Variants in NCOA7 observed in about 807,000 individuals in gnomAD.
NCOA7 encodes the protein 140 kDa estrogen receptor-associated protein.
Under a neutral mutation model 104.3 loss-of-function variants are expected in NCOA7, and 45 were observed. The ratio of observed to expected loss-of-function variants is 0.43; its 90% confidence interval spans 0.34 to 0.55. The LOEUF is 0.55. Among genes scored for constraint, NCOA7 ranks in the 20% least tolerant of loss-of-function variants. The probability of loss-of-function intolerance (pLI) is 0.02; values close to 1 mark genes in which losing one functional copy is unlikely to be tolerated. For missense variants in NCOA7, 1,041 were observed against 1,119.7 expected (o/e 0.93, Z 1.00); for synonymous variants, 398 against 402.3 (o/e 0.99, Z 0.13).
At chr6:125,794,034 A>G (rs1027607392) in intron 1 of NCOA7, among the ~76,000 whole-genome samples, 1 of 152,228 alleles carries the variant, frequency 6.6e-6, no homozygotes, top group Non-Finnish European at 1.5e-5. Context: ...CTGTTAGACC[A>G]GAAGTCTAGC....
At chr6:125,796,278 A>T (rs78775544) in intron 1 of NCOA7, among the ~76,000 whole-genome samples, 3 of 151,072 alleles carry the variant, frequency 2.0e-5, no homozygotes, top group Admixed American at 1.3e-4. Context: ...TAAGATTGAT[A>T]AAAAAAAATT....
intron 2 of NCOA7, among the ~76,000 whole-genome samples, chr6:125,854,769 G>A (rs1781409683): frequency 6.6e-6 from 1 of 152,066 alleles, no homozygotes; most frequent in African/African-American, 2.4e-5. Context: ...CAGGCCTATG[G>A]CAGTTCTCAA....
intron 8 of NCOA7, 33 bp downstream of exon 8, chr6:125,885,376 G>A (rs777691978): frequency 1.0e-5 from 16 of 1,605,840 alleles, no homozygotes; most frequent in African/African-American, 2.7e-5. Context: ...AGGAAAAAAG[G>A]GGTGTTGAGA....
chr6:125,805,069 T>A (rs997497846), intron 1 of NCOA7, among the ~76,000 whole-genome samples: 4 of 146,856 alleles, frequency 2.7e-5, no homozygotes, highest in Admixed American at 2.1e-4. Flanking sequence ...GCCATAAAGC[T>A]GGGTTCACCC....
At chr6:125,915,512 G>T (rs925739304) in intron 11 of NCOA7, 32 bp downstream of exon 11, 2 of 1,612,354 alleles carry the variant, frequency 1.2e-6, no homozygotes, top group African/African-American at 2.7e-5. Context: ...GACCGTCGTA[G>T]TTCCTAAGGT....
chr6:125,850,733 A>T (rs1332124585), intron 2 of NCOA7, among the ~76,000 whole-genome samples: 1 of 152,218 alleles, frequency 6.6e-6, no homozygotes, highest in Non-Finnish European at 1.5e-5. Flanking sequence ...AGAAGGAATC[A>T]CCTTCGGAAG....
intron 2 of NCOA7, among the ~76,000 whole-genome samples, chr6:125,850,403 C>CT (rs909471839): frequency 5.9e-5 from 9 of 152,028 alleles, no homozygotes; most frequent in African/African-American, 2.2e-4. Flanking sequence ...TATTTTCTAG[C>CT]TTTTTTTCTG....
chr6:125,927,260 A>T (rs2128703246), intron 13 of NCOA7, among the ~76,000 whole-genome samples: 1 of 152,358 alleles, frequency 6.6e-6, no homozygotes, highest in South Asian at 2.1e-4. Flanking sequence ...AAGAGATGTG[A>T]CTGTGTTGTC....
chr6:125,914,111 T>C (rs75517591), intron 10 of NCOA7, among the ~76,000 whole-genome samples: 1,610 of 152,308 alleles, frequency 0.011, 31 homozygotes, highest in African/African-American at 0.036. Context: ...GGAACTAATC[T>C]TGAGGAAATA....
intron 6 of NCOA7, among the ~76,000 whole-genome samples, chr6:125,882,091 T>G (rs984210046): frequency 1.3e-5 from 2 of 152,178 alleles, no homozygotes; most frequent in African/African-American, 4.8e-5. Context: ...TGACCTCAGG[T>G]GATCTGCCCA....
rs562502712 is a variant in NCOA7, at chr6:125,927,713, T to C, written c.2574T>C (p.Tyr858=). The part of the protein sequence containing the change: ...THPFKFSDHY[Y]GTGETFLYTF... ...CTTTCAAGTTCAGTGACCACTATTATGGCACAGGCGAAACTTTTCTCTACA... is the reference window on the plus strand; with the variant it reads ...CTTTCAAGTTCAGTGACCACTATTACGGCACAGGCGAAACTTTTCTCTACA... Residue 858 remains tyrosine (Y), a synonymous_variant, in exon 14 of 16, where the codon TAT becomes TAC. Transcript: ENST00000392477. 1.9e-6 allele frequency: 3 copies of C among 1,614,186 alleles called. No homozygotes were observed. The highest frequency in any genetic ancestry group is 1.6e-4 in the Middle Eastern group (1 of 6,062).
chr6:125,891,143 G>T (rs569736907), intron 10 of NCOA7, among the ~76,000 whole-genome samples: 2 of 152,178 alleles, frequency 1.3e-5, no homozygotes, highest in Non-Finnish European at 2.9e-5. Flanking sequence ...CTATGGAGCA[G>T]ATCCAAACAC....
chr6:125,830,514 C>A (rs1467794899), intron 2 of NCOA7, among the ~76,000 whole-genome samples: 3 of 152,092 alleles, frequency 2.0e-5, no homozygotes, highest in Non-Finnish European at 4.4e-5. Flanking sequence ...CATAGTGAGA[C>A]CTTGTGTCTA....
Position 125,888,950 on chromosome 6 carries a change from A to T in NCOA7, c.896A>T (p.Gln299Leu). 1.2e-6 allele frequency: 2 copies of T among 1,600,266 alleles called. No individual in the cohort carries two copies. The highest frequency in any genetic ancestry group is 1.1e-5 in the South Asian group (1 of 89,470). Reference protein sequence around the residue: ...IKDALPSDLPQDLCPLYRPGE... With the variant: ...IKDALPSDLPLDLCPLYRPGE... ...TTCTCCCCCAACAGTGACCTACCTC[A>T]GGATCTTTGTCCTCTGTACAGGCCT... The change falls in exon 9 of 16, where the codon CAG (glutamine) becomes CTG (leucine). Residue 299 changes from glutamine to leucine, a missense_variant. Transcript: ENST00000392477.
intron 1 of NCOA7, chr6:125,798,074 T>TA (rs2128550149): frequency 2.6e-5 from 4 of 152,342 alleles, no homozygotes; most frequent in African/African-American, 9.6e-5. Flanking sequence ...AGGTTGTGTT[T>TA]AGCTCACGAA....
intron 3 of NCOA7, among the ~76,000 whole-genome samples, chr6:125,856,982 A>T (rs1228111348): frequency 6.6e-6 from 1 of 152,198 alleles, no homozygotes; most frequent in African/African-American, 2.4e-5. Flanking sequence ...TTGCTACCGT[A>T]CAGGCAGATG....
chr6:125,875,249 G>T, intron 4 of NCOA7: 1 of 302,080 alleles, frequency 3.3e-6, no homozygotes. Flanking sequence ...TGACTAGGCA[G>T]GTATCCCTTT....
chr6:125,920,267 G>A (rs1184272449), intron 11 of NCOA7, among the ~76,000 whole-genome samples: 1 of 152,118 alleles, frequency 6.6e-6, no homozygotes, highest in Non-Finnish European at 1.5e-5. Context: ...CATGCTCCTG[G>A]TAGCTGTTAT....
rs147414690 is a variant in NCOA7, at chr6:125,821,199, G to C, written c.50+5795G>C. ...TAGAAGTATTATCATCTTTCTGCAT[G>C]CCTTGATATGAAAAAGGCTTTTGTA... is the stretch of plus-strand genomic sequence containing the variant. On this transcript the variant is annotated intron_variant, in intron 2 of 15. Transcript: ENST00000392477. Among the ~76,000 whole-genome samples, 169 of 152,170 alleles carry C rather than the reference G, an allele frequency of 1.1e-3. 6 individuals carry two copies. The East Asian group carries it at 0.031, about 28-fold the overall frequency.
Sources: gnomAD v4.1 joint callset for allele counts (sites outside exome capture counted in the v4.1 genomes callset) on GRCh38, gnomAD v4.1.1 for gene constraint, MANE v1.5 for transcripts, NCBI Gene and HGNC (gene_info 2026-07-23, HGNC 2026-07-21) for gene names.